Variants in ELP4 observed in about 807,000 individuals in gnomAD.
The protein encoded by ELP4 is elongator complex protein 4.
Under a neutral mutation model 48.9 loss-of-function variants are expected in ELP4, and 51 were observed. That is an observed-to-expected ratio of 1.04 (90% confidence interval 0.83 to 1.32). The LOEUF is 1.32. Ranked by LOEUF, ELP4 falls within the 40% of genes most tolerant of loss-of-function variation. The pLI is 0.00. For missense variants in ELP4, 519 were observed against 514.6 expected, an observed-to-expected ratio of 1.01 and a Z score of -0.08; for synonymous variants, 210 against 189.2, an observed-to-expected ratio of 1.11 and a Z score of -0.90.
At chr11:31,581,599 C>G (rs149916434) in intron 3 of ELP4, among the ~76,000 whole-genome samples, 1 of 152,216 alleles carries the variant, frequency 6.6e-6, no homozygotes, top group African/African-American at 2.4e-5. Flanking sequence ...CCTTCTTGTT[C>G]TAAAACGTCA....
At chr11:31,587,661 T>C (rs528893707) in intron 3 of ELP4, among the ~76,000 whole-genome samples, 34 of 152,254 alleles carry the variant, frequency 2.2e-4, no homozygotes, top group Non-Finnish European at 1.2e-4. Context: ...ATATTAATTA[T>C]TGATATTTTA....
Position 31,696,077 on chromosome 11 carries a change from G to GC in ELP4, c.1143+45857dup, listed in dbSNP as rs529202686. Reference sequence around the variant, plus strand: ...CTCTCTTTTCTTCTTTATTAGGCTTGCTAGTGGTCTATTAAATTTGTTGAT... The same window carrying GC: ...CTCTCTTTTCTTCTTTATTAGGCTTGCCTAGTGGTCTATTAAATTTGTTGAT... On this transcript the variant is annotated intron_variant, in intron 9 of 9. Coordinates refer to ENST00000640961, the MANE Select transcript of ELP4 (RefSeq NM_019040.5). Among the ~76,000 whole-genome samples, 9 of 151,906 alleles carry GC rather than the reference G, an allele frequency of 5.9e-5. No individual in the cohort carries two copies. In the South Asian group the frequency reaches 1.9e-3, roughly 32 times the overall value.
At chr11:31,520,398 A>T (rs1956193219) in intron 2 of ELP4, among the ~76,000 whole-genome samples, 1 of 152,184 alleles carries the variant, frequency 6.6e-6, no homozygotes, top group Admixed American at 6.5e-5. Context: ...CTCAGTATTT[A>T]AAGTGGGATT....
At chr11:31,724,954 A>G (rs1213691588) in intron 9 of ELP4, among the ~76,000 whole-genome samples, 1 of 152,104 alleles carries the variant, frequency 6.6e-6, no homozygotes, top group East Asian at 1.9e-4. Flanking sequence ...TCACTATTTG[A>G]GATGTTGAAG....
chr11:31,545,322 A>T (rs904601688), intron 3 of ELP4, among the ~76,000 whole-genome samples: 4 of 152,252 alleles, frequency 2.6e-5, no homozygotes, highest in African/African-American at 9.6e-5. Context: ...AAGGCTCGAG[A>T]ACTATGTGAA....
Position 31,650,116 on chromosome 11 carries a change from A to G in ELP4, c.1038A>G (p.Gly346=). The G allele has an allele frequency of 7.7e-7, 1 of 1,305,640 alleles. No individual in the cohort carries two copies. The highest frequency in any genetic ancestry group is 1.1e-6 in the Non-Finnish European group (1 of 914,710). The allele number at this position is 1,305,640 out of a possible 1,614,324, so 80.9% of individuals were successfully genotyped here. Residue 346 remains glycine, a splice_region_variant and synonymous_variant, in exon 9 of 10, where the codon GGA becomes GGG. Coordinates refer to ENST00000640961, the MANE Select transcript of ELP4 (RefSeq NM_019040.5). ...ETNPLYKDYH[G]LIHIRQIPRL... Reference sequence around the variant, plus strand: ...TTCTTTTAATTTCTTTTCCACAAGGATTGATTCATATACGGCAGATTCCTC... The same window carrying G: ...TTCTTTTAATTTCTTTTCCACAAGGGTTGATTCATATACGGCAGATTCCTC...
intron 3 of ELP4, among the ~76,000 whole-genome samples, chr11:31,548,736 T>C (rs1479919832): frequency 1.3e-5 from 2 of 152,080 alleles, no homozygotes; most frequent in Admixed American, 6.5e-5. Flanking sequence ...CTTCAAACTA[T>C]ACTACAAGGC....
chr11:31,607,520 A>G (rs1220423766), intron 5 of ELP4, among the ~76,000 whole-genome samples: 1 of 152,122 alleles, frequency 6.6e-6, no homozygotes, highest in Non-Finnish European at 1.5e-5. Context: ...CCTTCTATAT[A>G]AGGGCCTTAA....
chr11:31,525,629 A>C (rs1205078487), intron 2 of ELP4, among the ~76,000 whole-genome samples: 1 of 152,278 alleles, frequency 6.6e-6, no homozygotes, highest in African/African-American at 2.4e-5. Flanking sequence ...ACTAGTGAGA[A>C]GGTAAGTTTG....
chr11:31,547,405 T>C (rs1457770914), intron 3 of ELP4, among the ~76,000 whole-genome samples: 2 of 152,122 alleles, frequency 1.3e-5, no homozygotes, highest in African/African-American at 2.4e-5. Flanking sequence ...GTAAATTCCT[T>C]GACACATACA....
chr11:31,530,455 A>C (rs1340190299), intron 2 of ELP4, among the ~76,000 whole-genome samples: 5 of 152,168 alleles, frequency 3.3e-5, no homozygotes, highest in Admixed American at 3.3e-4. Context: ...GGGAGTGTAC[A>C]GTAGTTTCAT....
At chr11:31,698,643 C>G (rs1185750610) in intron 9 of ELP4, among the ~76,000 whole-genome samples, 3 of 152,068 alleles carry the variant, frequency 2.0e-5, no homozygotes, top group Non-Finnish European at 4.4e-5. Flanking sequence ...GAACTCCTGG[C>G]CTCAAGTGAT....
chr11:31,620,184 CTGTT>C lies in ELP4; in HGVS notation c.654-6924_654-6921del, dbSNP rs376697801. Among the ~76,000 whole-genome samples the C allele has an allele frequency of 3.8e-4, 58 of 152,096 alleles. 2 individuals carry two copies. The South Asian group carries it at 0.011, about 28-fold the overall frequency. On this transcript the variant is annotated intron_variant, in intron 5 of 9. Transcript: ENST00000640961. Reference sequence around the variant, plus strand: ...GTCATGAAGTTAAAGTCATACCAGTCTGTTTCTCTGGCCATTTTTAGCTACATTG... The same window carrying C: ...GTCATGAAGTTAAAGTCATACCAGTCTCTCTGGCCATTTTTAGCTACATTG...
chr11:31,649,306 G>A (rs1418234739), intron 8 of ELP4: 1 of 151,546 alleles, frequency 6.6e-6, no homozygotes, highest in African/African-American at 2.4e-5. Context: ...CAGTGTCCTC[G>A]GGATGGCGAT....
intron 3 of ELP4, among the ~76,000 whole-genome samples, chr11:31,582,637 T>C (rs1592136934): frequency 6.6e-6 from 1 of 152,222 alleles, no homozygotes; most frequent in Admixed American, 6.5e-5. Flanking sequence ...CTAGTGATTC[T>C]TCTCTGTCCA....
chr11:31,755,703 C>T (rs1476592120), intron 9 of ELP4, among the ~76,000 whole-genome samples: 1 of 143,360 alleles, frequency 7.0e-6, no homozygotes, highest in Non-Finnish European at 1.5e-5. Context: ...GATATAGCAA[C>T]TGAATGCAAG....
chr11:31,746,142 C>T (rs372712981), intron 9 of ELP4, among the ~76,000 whole-genome samples: 73 of 152,308 alleles, frequency 4.8e-4, no homozygotes, highest in Middle Eastern at 3.4e-3. Context: ...AAAAAATGCT[C>T]ATCATCACTG....
intron 7 of ELP4, among the ~76,000 whole-genome samples, chr11:31,644,029 G>A (rs1448474217): frequency 6.6e-6 from 1 of 151,726 alleles, no homozygotes; most frequent in Non-Finnish European, 1.5e-5. Context: ...AAAACTCCTG[G>A]ACACTGGCTT....
Position 31,733,520 on chromosome 11 carries a change from A to AGACATTACAACT in ELP4, c.1144-49869_1144-49858dup, listed in dbSNP as rs1947241501. Among the ~76,000 whole-genome samples, 4 of 151,036 alleles carry AGACATTACAACT rather than the reference A, an allele frequency of 2.6e-5. No individual in the cohort carries two copies. The South Asian group carries it at 8.4e-4, about 32-fold the overall frequency. On this transcript the variant is annotated intron_variant, in intron 9 of 9. Transcript: ENST00000640961. Reference sequence around the variant, plus strand: ...AGGAAAGGAAAAGAAATGAAAGAGGAGACATTACAACTGACTCTACAGAAG... The same window carrying AGACATTACAACT: ...AGGAAAGGAAAAGAAATGAAAGAGGAGACATTACAACTGACATTACAACTGACTCTACAGAAG...
Sources: allele counts gnomAD v4.1 joint callset (sites outside exome capture counted in the v4.1 genomes callset), GRCh38; gene constraint gnomAD v4.1.1; transcripts MANE v1.5; gene names NCBI Gene and HGNC (gene_info 2026-07-23, HGNC 2026-07-21).